KCNIP3: variants seen among roughly 807,000 people sequenced by gnomAD.
The protein encoded by KCNIP3 is potassium voltage-gated channel interacting protein 3.
Under a neutral mutation model 35.0 loss-of-function variants are expected in KCNIP3, and 28 were observed. The ratio of observed to expected loss-of-function variants is 0.80; its 90% CI spans 0.59 to 1.10. KCNIP3 has a LOEUF of 1.10. Ranked by LOEUF, KCNIP3 falls within the 50% of genes least tolerant of loss-of-function variation. KCNIP3 has a pLI of 0.00. For synonymous variants in KCNIP3, 134 were observed against 133.8 expected (o/e 1.00, Z -0.01); for missense variants, 295 against 338.4 (o/e 0.87, Z 1.01).
rs1679959135 is a variant in KCNIP3, at chr2:95,368,030, G to A, written c.182-6266G>A. On this transcript the variant is annotated intron_variant, in intron 2 of 8. Coordinates refer to ENST00000295225, the MANE Select transcript of KCNIP3 (RefSeq NM_013434.5). ...ACCCGCCTTGGCCTCCCAAAGTGCTGGGATTACAGGCATGAGCCACCGCGC... is the reference window on the plus strand; with the variant it reads ...ACCCGCCTTGGCCTCCCAAAGTGCTAGGATTACAGGCATGAGCCACCGCGC... Among the ~76,000 whole-genome samples the A allele has an allele frequency of 2.6e-5, 4 of 152,300 alleles. No individual in the cohort carries two copies. In the South Asian group the frequency reaches 6.2e-4, roughly 24 times the overall value.
rs529524540 is a variant in KCNIP3 at position 95,382,932 on chromosome 2, C to G, written c.661-300C>G. On this transcript the variant is annotated intron_variant, in intron 7 of 8. Transcript: ENST00000295225. The surrounding 1 kb of genome is among the most constrained non-coding windows in gnomAD (Gnocchi z 4.5). ...CTGCCTCTCAGGGAGGTGAGGCGGT[C>G]AGATGAGCATGGGGACAAATTCTGG... is the stretch of plus-strand genomic sequence containing the variant. Among the ~76,000 whole-genome samples, 1 of 152,150 alleles carries G rather than the reference C, an allele frequency of 6.6e-6. No individual in the cohort carries two copies. Among genetic ancestry groups the G allele is most frequent in the Non-Finnish European group, 1.5e-5 (1 of 68,024 alleles).
At chr2:95,342,163 CGAGA>C (rs1407063689) in intron 2 of KCNIP3, among the ~76,000 whole-genome samples, 3 of 152,034 alleles carry the variant, frequency 2.0e-5, no homozygotes, top group Non-Finnish European at 2.9e-5. Flanking sequence ...CACAGCCACA[CGAGA>C]AAGAGAGAGG....
chr2:95,371,673 G>T (rs976354710), intron 2 of KCNIP3, among the ~76,000 whole-genome samples: 2 of 151,806 alleles, frequency 1.3e-5, no homozygotes, highest in Non-Finnish European at 2.9e-5. Context: ...TGAATTTTTT[G>T]TTTTAGGTAT....
At chr2:95,306,279 C>T (rs1024623090) in intron 1 of KCNIP3, among the ~76,000 whole-genome samples, 18 of 152,146 alleles carry the variant, frequency 1.2e-4, no homozygotes, top group Non-Finnish European at 2.2e-4. Context: ...CTTTGCCATC[C>T]ACGTGTCCTC....
intron 2 of KCNIP3, among the ~76,000 whole-genome samples, chr2:95,333,487 C>T (rs540087531): frequency 6.6e-5 from 10 of 152,314 alleles, no homozygotes; most frequent in South Asian, 2.1e-4. Flanking sequence ...CACCAGGGCC[C>T]GCCCTCGGTC....
intron 2 of KCNIP3, among the ~76,000 whole-genome samples, chr2:95,318,656 C>T (rs1027645855): frequency 6.6e-6 from 1 of 152,150 alleles, no homozygotes; most frequent in African/African-American, 2.4e-5. Flanking sequence ...GTCTCGGCCA[C>T]GGGGCTACGA....
chr2:95,341,499 G>A (rs192082708), intron 2 of KCNIP3, among the ~76,000 whole-genome samples: 40 of 152,300 alleles, frequency 2.6e-4, no homozygotes, highest in Non-Finnish European at 5.0e-4. Context: ...GTGTCATTTC[G>A]TAGGTTGTCT....
intron 1 of KCNIP3, among the ~76,000 whole-genome samples, chr2:95,300,913 A>C (rs1453174881): frequency 6.6e-6 from 1 of 152,112 alleles, no homozygotes; most frequent in African/African-American, 2.4e-5. Flanking sequence ...CAGCCAGGAA[A>C]AGCAGCTGCT....
chr2:95,328,207 G>A (rs1359229036), intron 2 of KCNIP3, among the ~76,000 whole-genome samples: 2 of 152,258 alleles, frequency 1.3e-5, no homozygotes, highest in Admixed American at 6.5e-5. Flanking sequence ...CAAACATGAT[G>A]GCACACTCTC....
At chr2:95,374,187 A>G (rs1273795153) in intron 2 of KCNIP3, 109 bp from the exon 3 acceptor site, 1 of 1,387,602 alleles carries the variant, frequency 7.2e-7, no homozygotes, top group Non-Finnish European at 9.9e-7. Flanking sequence ...GTAGTCATGC[A>G]AAGAGAGTTC....
chr2:95,374,497 A>T, intron 3 of KCNIP3, 77 bp downstream of exon 3: 7 of 1,542,510 alleles, frequency 4.5e-6, no homozygotes, highest in Non-Finnish European at 6.2e-6. Flanking sequence ...TCCATGCCAC[A>T]GTAAATATCC....
At chr2:95,324,651 G>A (rs1193557735) in intron 2 of KCNIP3, among the ~76,000 whole-genome samples, 1 of 151,900 alleles carries the variant, frequency 6.6e-6, no homozygotes, top group Admixed American at 6.6e-5. Flanking sequence ...GGTGGCTCAC[G>A]CCTGTAATCC....
intron 2 of KCNIP3, among the ~76,000 whole-genome samples, chr2:95,325,934 T>C (rs1403104646): frequency 7.0e-6 from 1 of 143,770 alleles, no homozygotes; most frequent in Admixed American, 6.9e-5. Context: ...CTCATACACA[T>C]ACACATACAC....
At chr2:95,315,246 CTGCCACCTGGTGGCTGGCT>C (rs1425004151) in intron 2 of KCNIP3, among the ~76,000 whole-genome samples, 1 of 152,174 alleles carries the variant, frequency 6.6e-6, no homozygotes, top group East Asian at 1.9e-4. Flanking sequence ...AGTGGCTGAC[CTGCCACCTGGTGGCTGGCT>C]GGGCACTGAA....
chr2:95,324,557 A>AAATAAAT (rs1410182812), intron 2 of KCNIP3, among the ~76,000 whole-genome samples: 49 of 72,760 alleles, frequency 6.7e-4, no homozygotes, highest in East Asian at 3.7e-3. Context: ...AATAAATAAA[A>AAATAAAT]ATAACGTGAG....
At chr2:95,370,052 A>C (rs886244354) in intron 2 of KCNIP3, among the ~76,000 whole-genome samples, 1 of 151,956 alleles carries the variant, frequency 6.6e-6, no homozygotes, top group Non-Finnish European at 1.5e-5. Context: ...TATTTCTTTC[A>C]AAGTGTTGAT....
In KCNIP3 at chr2:95,377,336, C is replaced by T. The variant is rs1223406906; in HGVS notation, c.447+2128C>T. Among the ~76,000 whole-genome samples, 1 of 152,250 alleles carries T rather than the reference C, an allele frequency of 6.6e-6. No homozygotes were observed. The highest frequency in any genetic ancestry group is 1.5e-5 in the Non-Finnish European group (1 of 68,044). ...GTGCGGCCGCTTCTCTGTTACCTCC[C>T]CCGACAGTAAACTGCTCCATGTGCC... On this transcript the variant is annotated intron_variant, in intron 5 of 8. Transcript: ENST00000295225. This position sits in a 1 kb window ranked among gnomAD's most constrained non-coding sequence, Gnocchi z 4.7.
chr2:95,360,791 G>A (rs75219243), intron 2 of KCNIP3, among the ~76,000 whole-genome samples: 1 of 152,234 alleles, frequency 6.6e-6, no homozygotes, highest in Non-Finnish European at 1.5e-5. Context: ...GAAAGAGGGG[G>A]CAAAGCCACC....
At chr2:95,349,087 A>AC (rs3836205) in intron 2 of KCNIP3, among the ~76,000 whole-genome samples, 3,522 of 139,296 alleles carry the variant, frequency 0.025, 57 homozygotes, top group African/African-American at 0.048. Flanking sequence ...TCACTCAGAC[A>AC]CCCCCCCCCG....
Sources: allele counts gnomAD v4.1 joint callset (sites outside exome capture counted in the v4.1 genomes callset), GRCh38; gene constraint gnomAD v4.1.1; non-coding constraint Gnocchi (gnomAD v3.1); transcripts MANE v1.5; gene names NCBI Gene and HGNC (gene_info 2026-07-23, HGNC 2026-07-21).